The following AGMO variants were observed in gnomAD, a reference collection of about 807,000 sequenced individuals.
AGMO encodes glyceryl-ether monooxygenase.
AGMO carries 75 observed loss-of-function variants against 60.2 expected under a neutral mutation model. The ratio of observed to expected loss-of-function variants is 1.25; its 90% CI spans 1.03 to 1.51. AGMO has a LOEUF of 1.51. Among genes scored for constraint, AGMO ranks in the 40% most tolerant of loss-of-function variants. AGMO has a pLI of 0.00. For missense variants in AGMO, 763 were observed against 525.5 expected, an observed-to-expected ratio of 1.45 and a Z score of -4.42; for synonymous variants, 261 against 177.1, an observed-to-expected ratio of 1.47 and a Z score of -3.76.
intron 5 of AGMO, among the ~76,000 whole-genome samples, chr7:15,401,585 TG>T (rs1431128817): frequency 6.6e-6 from 1 of 152,136 alleles, no homozygotes; most frequent in Non-Finnish European, 1.5e-5. Context: ...CATCTGCAAA[TG>T]GATACTAAAA....
At position 15,408,588 on chromosome 7, in the gene AGMO, A is replaced by G. The variant is rs192571386; in HGVS notation, c.609+9970T>C. 4.3e-3 allele frequency among the ~76,000 whole-genome samples: 657 copies of G among 151,978 alleles called. 4 individuals are homozygous for G. Among genetic ancestry groups the G allele is most frequent in the Middle Eastern group, 0.031 (9 of 294 alleles). ...CAATTATGCCAGAAAAAATAGGTAC[A>G]CATTGGGGCTCTTCCAAGCAAGCTG... On this transcript the variant is annotated intron_variant, in intron 5 of 12. Coordinates refer to ENST00000342526, the MANE Select transcript of AGMO (RefSeq NM_001004320.2).
chr7:15,335,578 T>C (rs534130383), intron 12 of AGMO, among the ~76,000 whole-genome samples: 7 of 152,272 alleles, frequency 4.6e-5, no homozygotes, highest in African/African-American at 1.7e-4. Context: ...GAAATCATGG[T>C]AAACCTGCCA....
At chr7:15,332,778 T>G (rs1028128727) in intron 12 of AGMO, among the ~76,000 whole-genome samples, 2 of 152,160 alleles carry the variant, frequency 1.3e-5, no homozygotes, top group Admixed American at 6.6e-5. Flanking sequence ...CAAAATGGCT[T>G]ATATTTATTA....
chr7:15,286,349 C>G (rs1267821935), intron 12 of AGMO, among the ~76,000 whole-genome samples: 2 of 151,632 alleles, frequency 1.3e-5, no homozygotes, highest in Admixed American at 1.3e-4. Context: ...ATTCAGAATC[C>G]ACAAAGAGCT....
intron 10 of AGMO, among the ~76,000 whole-genome samples, chr7:15,382,851 G>A (rs1467509277): frequency 6.6e-6 from 1 of 151,994 alleles, no homozygotes; most frequent in Non-Finnish European, 1.5e-5. Flanking sequence ...TATGTCACTA[G>A]GTGTTTATAA....
the AGMO span, among the ~76,000 whole-genome samples, chr7:15,193,634 A>G: frequency 0.027 from 4,124 of 152,232 alleles, 190 homozygotes; most frequent in African/African-American, 0.093. Flanking sequence ...TTCGTTTTCA[A>G]TAAGTGAAAT....
chr7:15,204,484 A>T (rs1329483221), intron 12 of AGMO, among the ~76,000 whole-genome samples: 1 of 152,166 alleles, frequency 6.6e-6, no homozygotes, highest in Non-Finnish European at 1.5e-5. Flanking sequence ...ATTTGTCTCT[A>T]ATCTACATAT....
intron 12 of AGMO, among the ~76,000 whole-genome samples, chr7:15,272,384 G>GT (rs979472887): frequency 6.7e-5 from 10 of 150,136 alleles, no homozygotes; most frequent in Non-Finnish European, 1.3e-4. Context: ...GCGGTGTTTG[G>GT]TTTTTTGTTC....
chr7:15,346,442 C>G (rs890750252), intron 12 of AGMO, among the ~76,000 whole-genome samples: 7 of 151,850 alleles, frequency 4.6e-5, no homozygotes, highest in Non-Finnish European at 1.0e-4. Context: ...GTGTTTTGTG[C>G]TTAGGATTTA....
At chr7:15,310,189 T>C (rs995987957) in intron 12 of AGMO, among the ~76,000 whole-genome samples, 1 of 152,310 alleles carries the variant, frequency 6.6e-6, no homozygotes, top group East Asian at 1.9e-4. Context: ...TAAAGAATAA[T>C]TTGATTCAGT....
At chr7:15,136,752 T>C in the AGMO span, among the ~76,000 whole-genome samples, 1 of 150,072 alleles carries the variant, frequency 6.7e-6, no homozygotes, top group African/African-American at 2.5e-5. Flanking sequence ...GATGTGTATG[T>C]GTGTGTGTGT....
intron 5 of AGMO, among the ~76,000 whole-genome samples, chr7:15,397,225 A>G (rs1406210558): frequency 2.6e-5 from 4 of 152,160 alleles, no homozygotes; most frequent in Non-Finnish European, 5.9e-5. Flanking sequence ...CGACCCCGCG[A>G]AGAGGGAACG....
chr7:15,279,164 T>TCC (rs1783888459), intron 12 of AGMO, among the ~76,000 whole-genome samples: 1 of 152,030 alleles, frequency 6.6e-6, no homozygotes, highest in East Asian at 1.9e-4. Flanking sequence ...GAGGAGGCTC[T>TCC]CCCCCGTCTA....
At chr7:15,264,272 C>T (rs979790053) in intron 12 of AGMO, among the ~76,000 whole-genome samples, 2 of 151,750 alleles carry the variant, frequency 1.3e-5, no homozygotes, top group Admixed American at 1.3e-4. Flanking sequence ...TTCAATCATA[C>T]ATCATAACTA....
At chr7:15,261,732 C>T (rs2128509764) in intron 12 of AGMO, among the ~76,000 whole-genome samples, 1 of 152,058 alleles carries the variant, frequency 6.6e-6, no homozygotes, top group Admixed American at 6.6e-5. Flanking sequence ...CCCTGATGAA[C>T]ATAGACGCAA....
At chr7:15,520,410 A>G (rs1783947737) in intron 3 of AGMO, among the ~76,000 whole-genome samples, 1 of 152,212 alleles carries the variant, frequency 6.6e-6, no homozygotes, top group Admixed American at 6.5e-5. Flanking sequence ...TCTCAGCACC[A>G]TATAGCACTT....
the AGMO span, among the ~76,000 whole-genome samples, chr7:15,147,854 C>T: frequency 6.6e-6 from 1 of 152,114 alleles, no homozygotes; most frequent in Non-Finnish European, 1.5e-5. Context: ...AATACTGAAA[C>T]ATAAAATCAT....
At chr7:15,318,932 T>C (rs891612345) in intron 12 of AGMO, among the ~76,000 whole-genome samples, 11 of 152,160 alleles carry the variant, frequency 7.2e-5, no homozygotes, top group Admixed American at 7.2e-4. Context: ...CGAATCTTAC[T>C]TGATCATTCT....
At chr7:15,192,807 G>A in the AGMO span, among the ~76,000 whole-genome samples, 1 of 152,154 alleles carries the variant, frequency 6.6e-6, no homozygotes, top group East Asian at 1.9e-4. Context: ...TTGAGCACCA[G>A]GAGCCAAGCA....
Sources: allele counts gnomAD v4.1 joint callset (sites outside exome capture counted in the v4.1 genomes callset), GRCh38; gene constraint gnomAD v4.1.1; transcripts MANE v1.5; gene names NCBI Gene and HGNC (gene_info 2026-07-23, HGNC 2026-07-21).